Variants in PATJ observed in about 807,000 individuals in gnomAD.
PATJ encodes the protein inaD-like protein.
A neutral mutation model predicts 224.9 loss-of-function variants in PATJ; 190 were observed. That is an observed-to-expected ratio of 0.84 (90% confidence interval 0.75 to 0.95). PATJ has a LOEUF of 0.95. Ranked by LOEUF, PATJ falls within the 40% of genes least tolerant of loss-of-function variation. The pLI is 0.00. For missense variants in PATJ, 2,121 were observed against 2,270.3 expected (o/e 0.93, Z 1.34); for synonymous variants, 769 against 820.3 (o/e 0.94, Z 1.07).
At chr1:61,985,690 A>G (rs1295209072) in intron 27 of PATJ, among the ~76,000 whole-genome samples, 1 of 152,026 alleles carries the variant, frequency 6.6e-6, no homozygotes, top group Non-Finnish European at 1.5e-5. Flanking sequence ...CAGATGTTCC[A>G]GGGTCTTCTC....
chr1:62,108,259 CTT>C (rs1019685521), intron 33 of PATJ, among the ~76,000 whole-genome samples, 176 bp from the exon 34 acceptor site: 5 of 152,110 alleles, frequency 3.3e-5, no homozygotes, highest in African/African-American at 1.2e-4. Context: ...AAATAATAAT[CTT>C]AGGAAAATTT....
chr1:61,756,958 T>C (rs1259414812), intron 1 of PATJ, among the ~76,000 whole-genome samples: 2 of 152,122 alleles, frequency 1.3e-5, no homozygotes, highest in Admixed American at 6.6e-5. Flanking sequence ...TCACTCTTTA[T>C]GATTTCTCTT....
chr1:62,067,475 T>C (rs1656687189), intron 31 of PATJ, among the ~76,000 whole-genome samples: 1 of 152,110 alleles, frequency 6.6e-6, no homozygotes, highest in Non-Finnish European at 1.5e-5. Context: ...AAAAGGAGCT[T>C]TTGATCCCTA....
chr1:61,967,266 T>A (rs1682306894), intron 27 of PATJ, among the ~76,000 whole-genome samples: 1 of 152,210 alleles, frequency 6.6e-6, no homozygotes, highest in Non-Finnish European at 1.5e-5. Context: ...GCCATTTTAT[T>A]TTTATTTAGA....
chr1:61,893,115 A>C (rs1669836895), intron 22 of PATJ, among the ~76,000 whole-genome samples: 1 of 152,232 alleles, frequency 6.6e-6, no homozygotes, highest in South Asian at 2.1e-4. Flanking sequence ...AAGTGACTAC[A>C]TTAATTTGTT....
intron 14 of PATJ, among the ~76,000 whole-genome samples, chr1:61,812,102 C>T (rs962903742): frequency 5.9e-5 from 9 of 151,854 alleles, no homozygotes; most frequent in African/African-American, 2.2e-4. Context: ...CTGTATTTGC[C>T]ATCTTTTCCT....
At chr1:61,874,578 C>T (rs1385105415) in intron 20 of PATJ, among the ~76,000 whole-genome samples, 1 of 152,172 alleles carries the variant, frequency 6.6e-6, no homozygotes, top group African/African-American at 2.4e-5. Flanking sequence ...CACAAAAGTC[C>T]CCACTTCTAA....
At chr1:62,139,766 T>C (rs2148993035) in intron 41 of PATJ, among the ~76,000 whole-genome samples, 1 of 142,270 alleles carries the variant, frequency 7.0e-6, no homozygotes, top group East Asian at 2.2e-4. Context: ...TTTTTTTTTT[T>C]TCTTTTTTTT....
intron 41 of PATJ, among the ~76,000 whole-genome samples, chr1:62,138,119 A>G (rs1246298297): frequency 5.9e-5 from 9 of 152,192 alleles, no homozygotes. Context: ...GATGAGGGGA[A>G]ACCAAGTAGT....
At chr1:61,835,739 A>G (rs914354484) in intron 17 of PATJ, among the ~76,000 whole-genome samples, 1 of 151,876 alleles carries the variant, frequency 6.6e-6, no homozygotes, top group East Asian at 1.9e-4. Context: ...TGAATGAACA[A>G]ATTTAATGGG....
intron 21 of PATJ, among the ~76,000 whole-genome samples, chr1:61,884,017 G>A (rs1018587550): frequency 5.3e-5 from 8 of 151,768 alleles, no homozygotes; most frequent in South Asian, 2.1e-4. Flanking sequence ...AATTGTAACC[G>A]ACTTCTGTTG....
chr1:61,987,174 T>C (rs572731334), intron 27 of PATJ, among the ~76,000 whole-genome samples: 1 of 152,064 alleles, frequency 6.6e-6, no homozygotes, highest in Non-Finnish European at 1.5e-5. Context: ...TTATTGTTAA[T>C]TTATAATTTT....
chr1:61,851,156 TA>T (rs1662747552), intron 17 of PATJ, among the ~76,000 whole-genome samples: 1 of 152,200 alleles, frequency 6.6e-6, no homozygotes, highest in African/African-American at 2.4e-5. Flanking sequence ...CAGTAAAATG[TA>T]AAAAGTATTT....
intron 27 of PATJ, among the ~76,000 whole-genome samples, chr1:61,985,606 T>C (rs1426509835): frequency 6.6e-6 from 1 of 152,032 alleles, no homozygotes; most frequent in African/African-American, 2.4e-5. Flanking sequence ...TAGCACACAA[T>C]TGTAAAGCTG....
chr1:62,160,088 G>A (rs1164579646), intron 43 of PATJ, among the ~76,000 whole-genome samples: 2 of 152,034 alleles, frequency 1.3e-5, no homozygotes, highest in Non-Finnish European at 2.9e-5. Flanking sequence ...GACTTTTCAA[G>A]GGACTGAAAC....
At chr1:62,100,327 G>T (rs1465146979) in intron 33 of PATJ, 2 of 717,292 alleles carry the variant, frequency 2.8e-6, no homozygotes, top group East Asian at 5.4e-5. Flanking sequence ...AGTTCTGGAG[G>T]CTGGGAAGTC....
At chr1:62,062,058 C>T (rs1655562364) in intron 31 of PATJ, among the ~76,000 whole-genome samples, 1 of 152,170 alleles carries the variant, frequency 6.6e-6, no homozygotes, top group Non-Finnish European at 1.5e-5. Flanking sequence ...CATATGAATG[C>T]AGGTGTCTTT....
chr1:62,030,113 G>A (rs186469604), intron 29 of PATJ, among the ~76,000 whole-genome samples: 20 of 152,242 alleles, frequency 1.3e-4, no homozygotes, highest in Admixed American at 1.2e-3. Context: ...TGGAAACTGT[G>A]GGATTAAAAG....
intron 27 of PATJ, among the ~76,000 whole-genome samples, chr1:61,937,602 A>G (rs924042407): frequency 6.6e-6 from 1 of 151,686 alleles, no homozygotes; most frequent in Non-Finnish European, 1.5e-5. Context: ...GAGATAAAAT[A>G]CTAGGCAGTT....
Sources: allele counts gnomAD v4.1 joint callset (sites outside exome capture counted in the v4.1 genomes callset), GRCh38; gene constraint gnomAD v4.1.1; transcripts MANE v1.5; gene names NCBI Gene and HGNC (gene_info 2026-07-23, HGNC 2026-07-21).